The following DGKB variants were observed in gnomAD, a reference collection of about 807,000 sequenced individuals.
DGKB encodes the protein 90 kDa diacylglycerol kinase.
Under a neutral mutation model 114.3 loss-of-function variants are expected in DGKB, and 67 were observed. The observed-to-expected ratio is 0.59, with a 90% CI of 0.48 to 0.72. DGKB has a LOEUF of 0.72. Ranked by LOEUF, DGKB falls within the 30% of genes least tolerant of loss-of-function variation. The pLI, the probability that DGKB is intolerant of heterozygous loss-of-function variation, is 0.00. For missense variants in DGKB, 907 were observed against 975.2 expected (o/e 0.93, Z 0.93); for synonymous variants, 398 against 323.1 (o/e 1.23, Z -2.49).
At chr7:14,336,227 G>T (rs577757303) in intron 23 of DGKB, among the ~76,000 whole-genome samples, 1 of 152,110 alleles carries the variant, frequency 6.6e-6, no homozygotes, top group South Asian at 2.1e-4. Flanking sequence ...GATACTTTTG[G>T]TATTCTGTTG....
chr7:14,820,479 T>A (rs192982544), intron 2 of DGKB, among the ~76,000 whole-genome samples: 46 of 152,284 alleles, frequency 3.0e-4, no homozygotes, highest in Non-Finnish European at 5.1e-4. Context: ...ATGCAACAAT[T>A]TTCTTGGGTT....
rs546231196 is a variant in DGKB, at chr7:14,562,783, G to C, written c.1770+11429C>G. The stretch of plus-strand genomic sequence containing the variant: ...ATTTTACAGGCTCATAGGCAGAAGG[G>C]ACTTGCCTTGTTTTAGATTAGACTT... On this transcript the variant is annotated intron_variant, in intron 20 of 25. Coordinates refer to ENST00000402815, the MANE Select transcript of DGKB (RefSeq NM_001350709.2). Among the ~76,000 whole-genome samples, 86 of 152,270 alleles carry C rather than the reference G, an allele frequency of 5.6e-4. 1 individual carries two copies. The highest frequency in any genetic ancestry group is 2.0e-3 in the African/African-American group (85 of 41,544).
chr7:14,560,632 A>G (rs900721231), intron 20 of DGKB, among the ~76,000 whole-genome samples: 13 of 152,178 alleles, frequency 8.5e-5, no homozygotes, highest in Non-Finnish European at 1.6e-4. Context: ...TATTGCTTCT[A>G]TATCTTGGCT....
At chr7:14,930,758 G>A (rs1221747056) in intron 1 of DGKB, among the ~76,000 whole-genome samples, 2 of 152,140 alleles carry the variant, frequency 1.3e-5, no homozygotes, top group African/African-American at 2.4e-5. Context: ...TAGGAGTGGT[G>A]AGAATGGGCA....
At chr7:14,538,525 T>C (rs1219724259) in intron 20 of DGKB, among the ~76,000 whole-genome samples, 1 of 152,160 alleles carries the variant, frequency 6.6e-6, no homozygotes, top group Admixed American at 6.5e-5. Context: ...AATGCTTGTA[T>C]ACTTTTGGTA....
chr7:14,559,029 A>G (rs1336538417), intron 20 of DGKB, among the ~76,000 whole-genome samples: 1 of 152,180 alleles, frequency 6.6e-6, no homozygotes, highest in Non-Finnish European at 1.5e-5. Flanking sequence ...GCCTCCAAAT[A>G]TTCCCCTGGG....
chr7:14,915,026 T>C (rs1784173674), intron 1 of DGKB, among the ~76,000 whole-genome samples: 1 of 151,866 alleles, frequency 6.6e-6, no homozygotes, highest in Non-Finnish European at 1.5e-5. Flanking sequence ...AACCAAGAAT[T>C]ATGGGACAAT....
At chr7:14,870,211 C>A (rs865958525) in intron 1 of DGKB, among the ~76,000 whole-genome samples, 1 of 152,192 alleles carries the variant, frequency 6.6e-6, no homozygotes, top group Non-Finnish European at 1.5e-5. Context: ...TCTTTAACTA[C>A]GTAGCCTACA....
At chr7:14,573,468 TG>T (rs1455112134) in intron 20 of DGKB, among the ~76,000 whole-genome samples, 48 of 21,356 alleles carry the variant, frequency 2.2e-3, no homozygotes, top group Middle Eastern at 0.023. Context: ...AATCTATCTC[TG>T]TGTGTGTGTG....
chr7:14,589,738 G>A (rs1563608210), intron 17 of DGKB, among the ~76,000 whole-genome samples: 1 of 151,762 alleles, frequency 6.6e-6, no homozygotes, highest in Admixed American at 6.6e-5. Context: ...AATCCTTTCA[G>A]GCACCCAAAT....
chr7:14,930,367 T>C lies in DGKB; in HGVS notation c.-188+44329A>G, dbSNP rs1229851835. Among the ~76,000 whole-genome samples, 4 of 152,312 alleles carry C rather than the reference T, an allele frequency of 2.6e-5. No individual in the cohort carries two copies. The East Asian group carries it at 7.7e-4, about 29-fold the overall frequency. ...AAGCATGGGATGTTTTTCTATTTGG[T>C]TGTGTAATCCATAATTCTTTTAATC... On this transcript the variant is annotated intron_variant, in intron 1 of 4. Coordinates refer to the DGKB transcript ENST00000437998.
At chr7:14,826,613 G>C (rs961147296) in intron 2 of DGKB, among the ~76,000 whole-genome samples, 2 of 152,080 alleles carry the variant, frequency 1.3e-5, no homozygotes, top group African/African-American at 4.8e-5. Context: ...ATGGATTCTG[G>C]AAACAGTCCA....
At chr7:14,805,177 A>G (rs1842645773) in intron 2 of DGKB, among the ~76,000 whole-genome samples, 1 of 152,046 alleles carries the variant, frequency 6.6e-6, no homozygotes, top group South Asian at 2.1e-4. Context: ...GTGAATTGCT[A>G]TTTCCAGGAG....
intron 2 of DGKB, among the ~76,000 whole-genome samples, chr7:14,836,356 A>G (rs930901550): frequency 6.6e-6 from 1 of 152,194 alleles, no homozygotes; most frequent in Non-Finnish European, 1.5e-5. Flanking sequence ...CACCATAATA[A>G]CATAGTATTT....
chr7:14,289,763 A>C (rs989100679), intron 23 of DGKB, among the ~76,000 whole-genome samples: 58 of 116,690 alleles, frequency 5.0e-4, no homozygotes, highest in Non-Finnish European at 8.0e-4. Flanking sequence ...AAAAAAAAAA[A>C]CACAAAACCC....
intron 6 of DGKB, among the ~76,000 whole-genome samples, chr7:14,704,749 G>C (rs1045209452): frequency 7.9e-5 from 12 of 152,136 alleles, no homozygotes; most frequent in African/African-American, 2.9e-4. Flanking sequence ...TAGACCTGCA[G>C]CTGAGGGTCC....
chr7:14,302,160 A>G (rs1245301688), intron 23 of DGKB, among the ~76,000 whole-genome samples: 2 of 152,106 alleles, frequency 1.3e-5, no homozygotes, highest in African/African-American at 2.4e-5. Context: ...ATTTCAACAC[A>G]CAATATATAA....
At chr7:14,240,162 C>G (rs1216397988) in intron 23 of DGKB, among the ~76,000 whole-genome samples, 2 of 151,918 alleles carry the variant, frequency 1.3e-5, no homozygotes, top group African/African-American at 4.8e-5. Context: ...AAGCAGAAAA[C>G]TTTTCTGCCA....
At chr7:14,858,993 T>C (rs1850575129) in intron 1 of DGKB, among the ~76,000 whole-genome samples, 1 of 152,056 alleles carries the variant, frequency 6.6e-6, no homozygotes, top group Admixed American at 6.6e-5. Context: ...AACAGAATGC[T>C]TGGGAAGCAT....
Sources: allele counts gnomAD v4.1 joint callset (sites outside exome capture counted in the v4.1 genomes callset), GRCh38; gene constraint gnomAD v4.1.1; transcripts MANE v1.5; gene names NCBI Gene and HGNC (gene_info 2026-07-23, HGNC 2026-07-21).